The following NEBL variants were observed in gnomAD, a reference collection of about 807,000 sequenced individuals.
The protein encoded by NEBL is LIM and SH3 protein 2.
NEBL carries 122 observed loss-of-function variants against 140.2 expected under a neutral mutation model. That is an observed-to-expected ratio of 0.87 (90% CI 0.75 to 1.01). The LOEUF (loss-of-function observed/expected upper bound fraction) is 1.01. Ranked by LOEUF, NEBL falls within the 50% of genes least tolerant of loss-of-function variation. The pLI, the probability that NEBL is intolerant of heterozygous loss-of-function variation, is 0.00. For synonymous variants in NEBL, 436 were observed against 398.9 expected (o/e 1.09, Z -1.11); for missense variants, 1,365 against 1,231.3 (o/e 1.11, Z -1.62).
rs760351477 is a variant in NEBL at position 20,831,562 on chromosome 10, C to A, written c.1471G>T (p.Glu491Ter). ...ASEKDYKRDL[E>*]TEIKGKGMQV... ...ATCCCTTTCCCTTTAATTTCAGTCTCCAGATCTCTTTTATAGTCTTTCTGC... is the reference window on the plus strand; with the variant it reads ...ATCCCTTTCCCTTTAATTTCAGTCTACAGATCTCTTTTATAGTCTTTCTGC... Residue 491 changes from glutamate to a stop codon, truncating the protein, a stop_gained, in exon 15 of 28, where the codon GAG becomes TAG. Transcript: ENST00000377122. LOFTEE classifies it high-confidence loss of function. 1 of 1,608,840 alleles carries A rather than the reference C, an allele frequency of 6.2e-7. No homozygotes were observed. The highest frequency in any genetic ancestry group is 8.5e-7 in the Non-Finnish European group (1 of 1,175,946).
chr10:20,852,557 G>A lies in NEBL; in HGVS notation c.996C>T (p.Val332=), dbSNP rs1171171780. The change falls in exon 10 of 28, where the codon GTC becomes GTT. Residue 332 remains valine, a synonymous_variant. Coordinates refer to ENST00000377122, the MANE Select transcript of NEBL (RefSeq NM_006393.3). ...VEHLHHKGNA[V]LQSQVKYKEE... ...GGCAAGTGTGTACCTGACTTTGGAG[G>A]ACGGCATTGCCTTTATGGTGCAGAT... 6.2e-7 allele frequency: 1 copy of A among 1,612,592 alleles called. No homozygotes were observed. Among genetic ancestry groups the A allele is most frequent in the Admixed American group, 1.7e-5 (1 of 59,988 alleles).
intron 26 of NEBL, among the ~76,000 whole-genome samples, chr10:20,794,206 C>T (rs1002192937): frequency 5.3e-5 from 8 of 152,182 alleles, no homozygotes; most frequent in Non-Finnish European, 1.0e-4. Flanking sequence ...CAGGACCTGG[C>T]GGTCATCAGC....
intron 3 of NEBL, among the ~76,000 whole-genome samples, chr10:21,190,234 C>T (rs989676764): frequency 2.0e-5 from 3 of 152,154 alleles, no homozygotes; most frequent in African/African-American, 7.2e-5. Flanking sequence ...AATCCCAATG[C>T]TTTGAGAAGC....
chr10:21,078,111 G>A (rs997224398), intron 2 of NEBL, among the ~76,000 whole-genome samples: 1 of 152,122 alleles, frequency 6.6e-6, no homozygotes, highest in African/African-American at 2.4e-5. Flanking sequence ...TTCTATGGGG[G>A]ATCGAAAATA....
At chr10:21,055,092 G>A (rs1043738565) in intron 2 of NEBL, among the ~76,000 whole-genome samples, 3 of 152,096 alleles carry the variant, frequency 2.0e-5, no homozygotes, top group African/African-American at 4.8e-5. Context: ...TATATCTGGG[G>A]GAGTTGTTGA....
intron 4 of NEBL, among the ~76,000 whole-genome samples, chr10:20,912,587 A>ATAAGTCTTT (rs1159574884): frequency 3.9e-5 from 6 of 152,166 alleles, no homozygotes; most frequent in African/African-American, 1.4e-4. Flanking sequence ...TGAATCCAGT[A>ATAAGTCTTT]TAAGTCTTTA....
At position 21,012,669 on chromosome 10, in the gene NEBL, A is replaced by C. The variant is rs568143969; in HGVS notation, c.249+7448T>G. Among the ~76,000 whole-genome samples, 10 of 152,240 alleles carry C rather than the reference A, an allele frequency of 6.6e-5. No individual in the cohort carries two copies. The South Asian group carries it at 1.7e-3, about 25-fold the overall frequency. On this transcript the variant is annotated intron_variant, in intron 3 of 6. Coordinates refer to the NEBL transcript ENST00000417816. ...ATTATAGCCATAAGCTACTGTGCCC[A>C]GCCTGATTTAATACTTTTAAAACAT... is the stretch of plus-strand genomic sequence containing the variant.
chr10:21,250,658 C>G (rs1842576263), intron 2 of NEBL, among the ~76,000 whole-genome samples: 1 of 150,574 alleles, frequency 6.6e-6, no homozygotes, highest in Non-Finnish European at 1.5e-5. Context: ...CGCCTGTAAT[C>G]CCAGCACTTT....
At chr10:21,194,795 C>G (rs1436774354) in intron 3 of NEBL, among the ~76,000 whole-genome samples, 1 of 151,926 alleles carries the variant, frequency 6.6e-6, no homozygotes, top group Non-Finnish European at 1.5e-5. Context: ...TCATTTGCTA[C>G]CCCTCGCCCC....
At chr10:20,851,940 TAA>T (rs1448210891) in intron 10 of NEBL, among the ~76,000 whole-genome samples, 1 of 151,344 alleles carries the variant, frequency 6.6e-6, no homozygotes, top group Non-Finnish European at 1.5e-5. Context: ...AGAATACATT[TAA>T]AAGAGTGATA....
chr10:20,929,447 C>G (rs993277261), intron 4 of NEBL, among the ~76,000 whole-genome samples: 1 of 152,108 alleles, frequency 6.6e-6, no homozygotes, highest in Admixed American at 6.6e-5. Flanking sequence ...GTAACCTCAG[C>G]AATCCCTAAC....
upstream of NEBL, among the ~76,000 whole-genome samples, chr10:20,901,945 G>C (rs1242357827): frequency 1.3e-5 from 2 of 152,158 alleles, no homozygotes; most frequent in African/African-American, 2.4e-5. Context: ...CTTTATAAAA[G>C]AGAAGAGTTT....
intron 21 of NEBL, among the ~76,000 whole-genome samples, chr10:20,816,804 C>A (rs544437421): frequency 5.9e-5 from 9 of 152,204 alleles, no homozygotes; most frequent in Admixed American, 3.3e-4. Flanking sequence ...ACTGCCAGCC[C>A]CTTATTAAGT....
chr10:21,010,011 G>A (rs554076824), intron 3 of NEBL, among the ~76,000 whole-genome samples: 222 of 152,230 alleles, frequency 1.5e-3, no homozygotes, highest in Non-Finnish European at 2.0e-3. Flanking sequence ...TATAAATTTG[G>A]TTTTGTTGTT....
chr10:21,227,290 T>G (rs1223302162), intron 3 of NEBL, among the ~76,000 whole-genome samples: 1 of 152,212 alleles, frequency 6.6e-6, no homozygotes, highest in African/African-American at 2.4e-5. Context: ...AGGGCTCTTG[T>G]TTGTCTACTG....
chr10:20,831,403 A>G (rs1840398716), intron 15 of NEBL, 70 bp downstream of exon 15: 1 of 1,515,244 alleles, frequency 6.6e-7, no homozygotes, highest in Admixed American at 1.7e-5. Flanking sequence ...ATGTGGAAAG[A>G]AAACTTATGC....
At chr10:20,954,794 G>A (rs556522601) in intron 4 of NEBL, among the ~76,000 whole-genome samples, 9 of 152,198 alleles carry the variant, frequency 5.9e-5, no homozygotes, top group East Asian at 1.9e-4. Flanking sequence ...GAGTTTTTCC[G>A]GGGACCCCCT....
In NEBL at chr10:21,236,487, A is replaced by G. The variant is rs538947807; in HGVS notation, n.348+11434T>C. ...CTCAGCCTTCCGAGTAGCTGGGACTACAGGTGCACACGACCACGCCTGGCT... is the reference window on the plus strand; with the variant it reads ...CTCAGCCTTCCGAGTAGCTGGGACTGCAGGTGCACACGACCACGCCTGGCT... On this transcript the variant is annotated intron_variant and non_coding_transcript_variant, in intron 3 of 8. Transcript: ENST00000675702. Among the ~76,000 whole-genome samples, 8 of 151,798 alleles carry G rather than the reference A, an allele frequency of 5.3e-5. No homozygotes were observed. In the East Asian group the frequency reaches 1.6e-3, roughly 30 times the overall value.
At chr10:20,789,382 TTAA>T (rs1835720923) in intron 26 of NEBL, among the ~76,000 whole-genome samples, 1 of 152,226 alleles carries the variant, frequency 6.6e-6, no homozygotes, top group Non-Finnish European at 1.5e-5. Flanking sequence ...CTTTAAATGT[TTAA>T]GAAAAACTTT....
Sources: gnomAD v4.1 joint callset for allele counts (sites outside exome capture counted in the v4.1 genomes callset) on GRCh38, gnomAD v4.1.1 for gene constraint, MANE v1.5 for transcripts, NCBI Gene and HGNC (gene_info 2026-07-23, HGNC 2026-07-21) for gene names.